Variants in TRIP12 observed in about 807,000 individuals in gnomAD.
The protein encoded by TRIP12 is E3 ubiquitin-protein ligase TRIP12.
TRIP12 carries 25 observed loss-of-function variants against 244.2 expected under a neutral mutation model. The ratio of observed to expected loss-of-function variants is 0.10; its 90% CI spans 0.07 to 0.14. TRIP12 has a LOEUF of 0.14. Ranked by LOEUF, TRIP12 falls within the 10% of genes least tolerant of loss-of-function variation. The pLI is 1.00. For missense variants in TRIP12, 1,677 were observed against 2,486.4 expected (o/e 0.67, Z 6.92); for synonymous variants, 905 against 873.1 (o/e 1.04, Z -0.64).
chr2:229,777,395 C>A lies in TRIP12; in HGVS notation c.5449G>T (p.Asp1817Tyr). Residue 1817 changes from aspartate to tyrosine, a missense_variant, in exon 37 of 42, where the codon GAC becomes TAC. Coordinates refer to ENST00000675903, the MANE Select transcript of TRIP12 (RefSeq NM_001348323.3). ...TAAACTGATCTGGCTACAACTGGGT[C>A]GATGTCAAACAAATCGTGTGATGTC... ...SLTSHDLFDI[D>Y]PVVARSVYHL... is the part of the protein sequence containing the mutation. The A allele has an allele frequency of 6.2e-7, 1 of 1,613,858 alleles. No individual in the cohort carries two copies. The highest frequency in any genetic ancestry group is 1.1e-5 in the South Asian group (1 of 91,066).
chr2:229,864,970 C>G (rs2061245805), intron 2 of TRIP12, among the ~76,000 whole-genome samples: 1 of 152,124 alleles, frequency 6.6e-6, no homozygotes, highest in African/African-American at 2.4e-5. Context: ...AAAACCATCT[C>G]TAGTCCAGAG....
At chr2:229,864,047 A>AGAGAGAGAGAGAGTGAGTGTGTGT in intron 2 of TRIP12, among the ~76,000 whole-genome samples, 4 of 79,318 alleles carry the variant, frequency 5.0e-5, no homozygotes, top group Non-Finnish European at 1.0e-4. Context: ...AGAGAGAGAG[A>AGAGAGAGAGAGAGTGAGTGTGTGT]GTGTGTGTGT....
chr2:229,857,692 A>G (rs1415649032), intron 4 of TRIP12, among the ~76,000 whole-genome samples: 1 of 152,120 alleles, frequency 6.6e-6, no homozygotes, highest in Non-Finnish European at 1.5e-5. Context: ...TCCCCAGATG[A>G]GCAGCTGGTT....
At chr2:229,834,249 T>C (rs1421058616) in intron 6 of TRIP12, among the ~76,000 whole-genome samples, 9 of 152,350 alleles carry the variant, frequency 5.9e-5, no homozygotes, top group East Asian at 3.9e-4. Context: ...CTTTAACCAA[T>C]TGATGCAAAG....
chr2:229,849,298 G>T (rs1395837594), intron 4 of TRIP12, among the ~76,000 whole-genome samples: 1 of 152,204 alleles, frequency 6.6e-6, no homozygotes, highest in Admixed American at 6.5e-5. Context: ...ACATTTAGAT[G>T]TTCACGATAC....
At chr2:229,902,950 T>C (rs1159403262) in intron 1 of TRIP12, among the ~76,000 whole-genome samples, 2 of 151,874 alleles carry the variant, frequency 1.3e-5, no homozygotes, top group Non-Finnish European at 2.9e-5. Flanking sequence ...TAAAAGCCAA[T>C]GGTCTAAACC....
chr2:229,919,080 A>C (rs1416402640), intron 1 of TRIP12, among the ~76,000 whole-genome samples: 1 of 152,198 alleles, frequency 6.6e-6, no homozygotes, highest in Admixed American at 6.5e-5. Context: ...AAAGCAGGAT[A>C]TTAAAACCTT....
Position 229,811,839 on chromosome 2 carries a change from G to A in TRIP12, c.1987-635C>T, listed in dbSNP as rs2047321468. 2.6e-5 allele frequency among the ~76,000 whole-genome samples: 4 copies of A among 152,176 alleles called. No homozygotes were observed. In the South Asian group the frequency reaches 8.3e-4, roughly 32 times the overall value. Reference sequence around the variant, plus strand: ...TCTTGATTTTTCCTAACTTGAAAGTGGAATTTTCATATGTAAAAATTAGAC... The same window carrying A: ...TCTTGATTTTTCCTAACTTGAAAGTAGAATTTTCATATGTAAAAATTAGAC... On this transcript the variant is annotated intron_variant, in intron 13 of 41. Transcript: ENST00000675903.
Position 229,788,937 on chromosome 2 carries a change from C to T in TRIP12, c.4699G>A (p.Ala1567Thr). 2 of 1,599,582 alleles carry T rather than the reference C, an allele frequency of 1.3e-6. No homozygotes were observed. Among genetic ancestry groups the T allele is most frequent in the Non-Finnish European group, 1.7e-6 (2 of 1,174,062 alleles). ...SRYWYYLYDN[A>T]MCKEIIPTSE... is the part of the protein sequence containing the mutation. ...GTTGGAATAATTTCCTTGCACATTG[C>T]ATTCTGTAAAATGTTTAAAAAAAAA... Residue 1567 changes from alanine to threonine, a missense_variant, in exon 32 of 42, where the codon GCA becomes ACA. Coordinates refer to ENST00000675903, the MANE Select transcript of TRIP12 (RefSeq NM_001348323.3).
At chr2:229,822,183 G>A (rs941236681) in intron 8 of TRIP12, among the ~76,000 whole-genome samples, 2 of 152,070 alleles carry the variant, frequency 1.3e-5, no homozygotes, top group African/African-American at 2.4e-5. Context: ...AGAGGGGAGA[G>A]TAAGAAGTTT....
chr2:229,812,667 G>A (rs113767030), intron 13 of TRIP12, among the ~76,000 whole-genome samples: 10,300 of 152,026 alleles, frequency 0.068, 1,174 homozygotes, highest in African/African-American at 0.23. Context: ...TTAGCTGGGC[G>A]TGGTGGCACG....
chr2:229,774,828 C>CT (rs2035710737), intron 37 of TRIP12, among the ~76,000 whole-genome samples: 1 of 144,778 alleles, frequency 6.9e-6, no homozygotes, highest in Non-Finnish European at 1.5e-5. Context: ...ACACTGTGAT[C>CT]TAAAAAAAAA....
At chr2:229,858,013 A>G (rs2059897646) in intron 4 of TRIP12, among the ~76,000 whole-genome samples, 3 of 152,214 alleles carry the variant, frequency 2.0e-5, no homozygotes, top group South Asian at 4.1e-4. Flanking sequence ...ACATTGAGGT[A>G]TATTTATAGT....
At chr2:229,855,706 A>G (rs932072304) in intron 4 of TRIP12, among the ~76,000 whole-genome samples, 2 of 151,838 alleles carry the variant, frequency 1.3e-5, no homozygotes, top group Admixed American at 6.6e-5. Flanking sequence ...GAGGTATATT[A>G]CTCAGAGAAG....
intron 13 of TRIP12, among the ~76,000 whole-genome samples, chr2:229,811,935 A>T (rs1287335655): frequency 6.6e-6 from 1 of 152,206 alleles, no homozygotes; most frequent in Non-Finnish European, 1.5e-5. Context: ...CTGACACTAC[A>T]TAAATCAAGA....
At chr2:229,830,680 A>G (rs1196490763) in intron 7 of TRIP12, 76 bp downstream of exon 7, 3 of 1,413,628 alleles carry the variant, frequency 2.1e-6, no homozygotes, top group African/African-American at 2.9e-5. Flanking sequence ...ATTTAACTAA[A>G]TTAATTTCAA....
chr2:229,791,240 A>T lies in TRIP12; in HGVS notation c.4427T>A (p.Val1476Glu), dbSNP rs781461159. The T allele has an allele frequency of 2.5e-5, 40 of 1,613,908 alleles. No individual in the cohort carries two copies. Among genetic ancestry groups the T allele is most frequent in the Non-Finnish European group, 3.1e-5 (37 of 1,179,958 alleles). The change falls in exon 30 of 42, where the codon GTG becomes GAG. Residue 1476 changes from valine (V) to glutamate (E), a missense_variant. Val to Glu is a moderately radical substitution (Grantham distance 121). Around this residue, in one of 11 missense-constraint regions of TRIP12, gnomAD observed 265 missense variants for 370.8 expected, o/e 0.71. Transcript: ENST00000675903. ...TKTHTIWYKP[V>E]REDEESNKDC... Reference sequence around the variant, plus strand: ...TTTATTACTTTCTTCATCCTCTCTCACAGGTTTATACCTAAAATGACAAGA... The same window carrying T: ...TTTATTACTTTCTTCATCCTCTCTCTCAGGTTTATACCTAAAATGACAAGA...
chr2:229,809,436 G>A (rs1171722653), intron 15 of TRIP12, among the ~76,000 whole-genome samples: 1 of 152,022 alleles, frequency 6.6e-6, no homozygotes, highest in African/African-American at 2.4e-5. Context: ...TAAACTGCCT[G>A]GAGCATGCAA....
chr2:229,836,878 G>T lies in TRIP12; in HGVS notation c.1240C>A (p.Arg414=). The change falls in exon 6 of 42, where the codon CGG becomes AGG. Residue 414 remains arginine (R), a synonymous_variant. Coordinates refer to ENST00000675903, the MANE Select transcript of TRIP12 (RefSeq NM_001348323.3). ...GCTCCTTGGGGAGCTTCATCTGTCC[G>T]AGCAGCTGAAGAATTTACTGCCTCC... ...NQEAVNSSAA[R]TDEAPQGAAA... is the part of the protein sequence containing the mutation. 1 of 1,599,282 alleles carries T rather than the reference G, an allele frequency of 6.3e-7. No homozygotes were observed. Among genetic ancestry groups the T allele is most frequent in the Non-Finnish European group, 8.5e-7 (1 of 1,175,308 alleles).
Sources: allele counts gnomAD v4.1 joint callset (sites outside exome capture counted in the v4.1 genomes callset), GRCh38; gene constraint gnomAD v4.1.1; regional missense constraint gnomAD v4.1.1; transcripts MANE v1.5; gene names NCBI Gene and HGNC (gene_info 2026-07-23, HGNC 2026-07-21).